PTPRD: variants seen among roughly 807,000 people sequenced by gnomAD.
PTPRD encodes protein tyrosine phosphatase receptor type D, also known as receptor-type tyrosine-protein phosphatase delta.
PTPRD carries 34 observed loss-of-function variants against 214.5 expected under a neutral mutation model. That is an observed-to-expected ratio of 0.16 (90% CI 0.12 to 0.21). The LOEUF (loss-of-function observed/expected upper bound fraction) is 0.21, where lower values mean the gene tolerates loss of function less well. Among genes scored for constraint, PTPRD ranks in the 10% least tolerant of loss-of-function variants. The pLI is 1.00. For synonymous variants in PTPRD, 1,128 were observed against 845.7 expected, an observed-to-expected ratio of 1.33 and a Z score of -5.79; for missense variants, 2,545 against 2,398.7, an observed-to-expected ratio of 1.06 and a Z score of -1.27.
chr9:8,568,548 C>T (rs995387166), intron 14 of PTPRD, among the ~76,000 whole-genome samples: 3 of 152,116 alleles, frequency 2.0e-5, no homozygotes, highest in Non-Finnish European at 2.9e-5. Context: ...CGGTAAAACA[C>T]AATTAAGAGA....
intron 5 of PTPRD, among the ~76,000 whole-genome samples, chr9:9,886,994 C>T (rs2071192128): frequency 6.6e-6 from 1 of 152,000 alleles, no homozygotes; most frequent in Admixed American, 6.6e-5. Context: ...ATTCCTGATC[C>T]ACAACAAACC....
chr9:8,734,162 G>A (rs942291899), intron 11 of PTPRD, among the ~76,000 whole-genome samples: 18 of 152,176 alleles, frequency 1.2e-4, no homozygotes, highest in Non-Finnish European at 1.9e-4. Flanking sequence ...TTTGTGTTAC[G>A]TGGGAGCTCT....
intron 4 of PTPRD, among the ~76,000 whole-genome samples, chr9:9,969,115 T>C (rs1489964544): frequency 6.6e-6 from 1 of 152,036 alleles, no homozygotes. Flanking sequence ...TCCATAAAAG[T>C]CTCACTGAGG....
At chr9:8,982,405 C>A (rs1248581830) in intron 11 of PTPRD, among the ~76,000 whole-genome samples, 2 of 151,872 alleles carry the variant, frequency 1.3e-5, no homozygotes, top group Non-Finnish European at 2.9e-5. Context: ...GTTTTCCCAA[C>A]AAGAATAACT....
chr9:8,961,705 G>A (rs1418783082), intron 11 of PTPRD, among the ~76,000 whole-genome samples: 2 of 152,064 alleles, frequency 1.3e-5, no homozygotes, highest in Admixed American at 6.6e-5. Context: ...CTTCTAAGCA[G>A]AAATATTCAG....
At chr9:8,565,164 T>G (rs1279530210) in intron 14 of PTPRD, among the ~76,000 whole-genome samples, 2 of 151,698 alleles carry the variant, frequency 1.3e-5, no homozygotes, top group East Asian at 3.9e-4. Flanking sequence ...GTTTTGAGTA[T>G]AAGAAATCAT....
chr9:9,495,416 A>T (rs902901826), intron 8 of PTPRD, among the ~76,000 whole-genome samples: 2 of 151,886 alleles, frequency 1.3e-5, no homozygotes, highest in Non-Finnish European at 2.9e-5. Flanking sequence ...CTCTCTCCCA[A>T]TTGGTTCTTT....
chr9:8,576,290 T>G (rs2092348119), intron 14 of PTPRD, among the ~76,000 whole-genome samples: 1 of 152,152 alleles, frequency 6.6e-6, no homozygotes, highest in Non-Finnish European at 1.5e-5. Context: ...TAAGTTTTGT[T>G]TTATGGCCAT....
At chr9:9,717,141 G>A (rs1034045758) in intron 7 of PTPRD, among the ~76,000 whole-genome samples, 1 of 151,976 alleles carries the variant, frequency 6.6e-6, no homozygotes, top group Admixed American at 6.6e-5. Context: ...TGTCAGGTTT[G>A]TCAAAGATCA....
chr9:8,710,442 C>T (rs142728013), intron 12 of PTPRD, among the ~76,000 whole-genome samples: 3,224 of 152,100 alleles, frequency 0.021, 53 homozygotes, highest in Middle Eastern at 0.092. Flanking sequence ...ATGGCAAAAC[C>T]CCGTCTCTAC....
At chr9:9,367,250 G>T (rs2058133738) in intron 9 of PTPRD, among the ~76,000 whole-genome samples, 1 of 151,372 alleles carries the variant, frequency 6.6e-6, no homozygotes, top group African/African-American at 2.4e-5. Context: ...GGGGGAGGTG[G>T]AATTCACTAG....
At chr9:9,325,909 T>A (rs886719507) in intron 9 of PTPRD, among the ~76,000 whole-genome samples, 8 of 152,216 alleles carry the variant, frequency 5.3e-5, no homozygotes, top group Non-Finnish European at 1.0e-4. Flanking sequence ...TGAAGGGCTG[T>A]TGAACTTTGT....
At chr9:8,519,445 G>A (rs1263510551) in intron 20 of PTPRD, among the ~76,000 whole-genome samples, 1 of 152,110 alleles carries the variant, frequency 6.6e-6, no homozygotes, top group East Asian at 1.9e-4. Context: ...GTAGGAAGGG[G>A]CATTCTAATA....
chr9:10,272,145 G>A (rs1202773034), intron 3 of PTPRD, among the ~76,000 whole-genome samples: 1 of 151,972 alleles, frequency 6.6e-6, no homozygotes, highest in Admixed American at 6.6e-5. Context: ...CTTTCTCTAT[G>A]TATCTCTCTA....
intron 11 of PTPRD, among the ~76,000 whole-genome samples, chr9:8,948,412 T>TATATTTATATATATATTTAC (rs2099079092): frequency 1.5e-5 from 1 of 67,292 alleles, no homozygotes; most frequent in Non-Finnish European, 2.8e-5. Context: ...TTAAAATATA[T>TATATTTATATATATATTTAC]ATATATATAT....
rs755220651 is a variant in PTPRD, at chr9:8,341,867, C to T, written c.4773G>A (p.Gln1591=). The T allele has an allele frequency of 6.8e-6, 11 of 1,613,450 alleles. No individual in the cohort carries two copies. In the East Asian group the frequency reaches 1.3e-4, roughly 20 times the overall value. ...CTTCTGTTTGAACCATATAGTTCCT[C>T]TGGGCTCTCATTAAAGTTACATGGC... The part of the protein sequence containing the change: ...IYGHVTLMRA[Q]RNYMVQTEDQ... The change falls in exon 40 of 46, where the codon CAG becomes CAA. Residue 1591 remains glutamine (Q), a synonymous_variant. Transcript: ENST00000381196.
At chr9:9,968,288 T>C (rs1035668149) in intron 4 of PTPRD, among the ~76,000 whole-genome samples, 2 of 152,158 alleles carry the variant, frequency 1.3e-5, no homozygotes, top group Non-Finnish European at 2.9e-5. Flanking sequence ...TGACTAAAAG[T>C]GATAATGACA....
intron 11 of PTPRD, among the ~76,000 whole-genome samples, chr9:9,007,942 C>G (rs1395057395): frequency 7.3e-6 from 1 of 136,316 alleles, no homozygotes; most frequent in Non-Finnish European, 1.6e-5. Context: ...TATTATTATA[C>G]TTTAAGTTTT....
intron 34 of PTPRD, among the ~76,000 whole-genome samples, chr9:8,440,078 G>A (rs998169361): frequency 2.7e-5 from 4 of 150,282 alleles, no homozygotes; most frequent in South Asian, 4.2e-4. Flanking sequence ...TCATGATGGG[G>A]GGCCTATAAC....
Sources: gnomAD v4.1 joint callset for allele counts (sites outside exome capture counted in the v4.1 genomes callset) on GRCh38, gnomAD v4.1.1 for gene constraint, MANE v1.5 for transcripts, NCBI Gene and HGNC (gene_info 2026-07-23, HGNC 2026-07-21) for gene names.